The following SIGLEC1 variants were observed in gnomAD, a reference collection of about 807,000 sequenced individuals.
SIGLEC1 encodes sialoadhesin.
SIGLEC1 carries 132 observed loss-of-function variants against 148.0 expected under a neutral mutation model. The ratio of observed to expected loss-of-function variants is 0.89; its 90% CI spans 0.77 to 1.03. SIGLEC1 has a LOEUF of 1.03. SIGLEC1 is among the 50% of genes least tolerant of loss of function. SIGLEC1 has a pLI of 0.00. For synonymous variants in SIGLEC1, 945 were observed against 969.0 expected (o/e 0.98, Z 0.46); for missense variants, 2,253 against 2,271.4 (o/e 0.99, Z 0.16).
chr20:3,699,594 G>A, intron 7 of SIGLEC1, 135 bp from the exon 8 acceptor site: 1 of 1,178,790 alleles, frequency 8.5e-7, no homozygotes, highest in Admixed American at 2.7e-5. Flanking sequence ...CATCAGGAGG[G>A]TTTGCCCTTT....
At chr20:3,703,482 G>A (rs761851529) in intron 5 of SIGLEC1, 31 bp from the exon 6 acceptor site, 24 of 1,540,148 alleles carry the variant, frequency 1.6e-5, no homozygotes, top group Admixed American at 2.0e-5. Context: ...GTGCTGGGGG[G>A]TCCCAGCCAA....
intron 16 of SIGLEC1, 148 bp downstream of exon 16, chr20:3,692,373 A>G (rs1434176334): frequency 1.7e-6 from 2 of 1,158,024 alleles, no homozygotes; most frequent in Admixed American, 5.7e-5. Flanking sequence ...GGCTTATAGG[A>G]CTGTCTCTTT....
rs2088713321 is a variant in SIGLEC1 at position 3,687,778 on chromosome 20, T to G, written c.*782A>C. The G allele has an allele frequency of 6.6e-6, 1 of 152,218 alleles. No homozygotes were observed. The highest frequency in any genetic ancestry group is 1.5e-5 in the Non-Finnish European group (1 of 68,070). The allele number at this position is 152,218 out of a possible 1,614,324, so 9.4% of individuals were successfully genotyped here. Reference sequence around the variant, plus strand: ...AGTTGGGAGTCCTTTGGAAGTCCAATTCCAAATGTCCTCTGGACTCAAAAT... The same window carrying G: ...AGTTGGGAGTCCTTTGGAAGTCCAAGTCCAAATGTCCTCTGGACTCAAAAT... On this transcript the variant is annotated 3_prime_UTR_variant, in exon 22 of 22. Transcript: ENST00000344754.
In SIGLEC1 at chr20:3,707,142, G is replaced by A; in HGVS notation, c.-14C>T. On this transcript the variant is annotated 5_prime_UTR_variant, in exon 2 of 22. Coordinates refer to ENST00000344754, the MANE Select transcript of SIGLEC1 (RefSeq NM_023068.4). ...CAAGAAGCCCATAGCAGGTTCTTGTGCTGCTCCTGTTGCCTAAGAGGGTGG... is the reference window on the plus strand; with the variant it reads ...CAAGAAGCCCATAGCAGGTTCTTGTACTGCTCCTGTTGCCTAAGAGGGTGG... 1 of 1,613,722 alleles carries A rather than the reference G, an allele frequency of 6.2e-7. No homozygotes were observed. Among genetic ancestry groups the A allele is most frequent in the Non-Finnish European group, 8.5e-7 (1 of 1,179,714 alleles).
At chr20:3,700,353 G>A (rs1422933770) in intron 7 of SIGLEC1, among the ~76,000 whole-genome samples, 2 of 151,796 alleles carry the variant, frequency 1.3e-5, no homozygotes, top group Non-Finnish European at 2.9e-5. Flanking sequence ...CCTGACCTCA[G>A]GTGATCTGCC....
In SIGLEC1 at chr20:3,694,966, C is replaced by A. The variant is rs377485030; in HGVS notation, c.2684-43G>T. Reference sequence around the variant, plus strand: ...GAGCAGGTGAGGGCTCTCCACCACACCTCTCACAGTCTGGGACCATGTGCG... The same window carrying A: ...GAGCAGGTGAGGGCTCTCCACCACAACTCTCACAGTCTGGGACCATGTGCG... On this transcript the variant is annotated intron_variant, in intron 11 of 21. Transcript: ENST00000344754. 28 of 1,581,852 alleles carry A rather than the reference C, an allele frequency of 1.8e-5. No individual in the cohort carries two copies. In the Admixed American group the frequency reaches 2.8e-4, roughly 16 times the overall value.
chr20:3,688,971 T>C, intron 21 of SIGLEC1, 184 bp downstream of exon 21: 1 of 630,582 alleles, frequency 1.6e-6, no homozygotes. Flanking sequence ...GACACAGGGA[T>C]TCCCTCTGCC....
intron 18 of SIGLEC1, among the ~76,000 whole-genome samples, chr20:3,690,529 C>T (rs1445536135): frequency 6.6e-6 from 1 of 152,264 alleles, no homozygotes; most frequent in East Asian, 1.9e-4. Flanking sequence ...CTGCTGGGCA[C>T]ATGTGGCCCA....
At chr20:3,695,242 T>C (rs2088810994) in intron 11 of SIGLEC1, among the ~76,000 whole-genome samples, 1 of 152,218 alleles carries the variant, frequency 6.6e-6, no homozygotes, top group Non-Finnish European at 1.5e-5. Context: ...TTCCAGGCAC[T>C]GTGCCTGCAT....
intron 7 of SIGLEC1, among the ~76,000 whole-genome samples, chr20:3,700,542 C>G (rs1176892915): frequency 6.6e-6 from 1 of 151,856 alleles, no homozygotes; most frequent in African/African-American, 2.4e-5. Flanking sequence ...CATGAACATA[C>G]CATTGCACTC....
Position 3,691,465 on chromosome 20 carries a change from T to A in SIGLEC1, c.4466A>T (p.His1489Leu). The A allele has an allele frequency of 6.2e-7, 1 of 1,613,180 alleles. No homozygotes were observed. The highest frequency in any genetic ancestry group is 1.1e-5 in the South Asian group (1 of 91,092). Reference protein sequence around the residue: ...FAWFWNDRRLHAEPVPTLAFT... With the variant: ...FAWFWNDRRLLAEPVPTLAFT... ...GGCGAGAGTGGGCACAGGCTCCGCG[T>A]GCAGCCGCCGGTCATTCCAGAACCA... The change falls in exon 18 of 22, where the codon CAC becomes CTC. Residue 1489 changes from histidine to leucine, a missense_variant. Transcript: ENST00000344754.
chr20:3,711,800 C>T (rs1375592013), intron 1 of SIGLEC1, among the ~76,000 whole-genome samples: 1 of 152,220 alleles, frequency 6.6e-6, no homozygotes, highest in East Asian at 1.9e-4. Context: ...AGTGCTCACT[C>T]TCCAAACTGT....
Position 3,687,085 on chromosome 20 carries a change from C to G in SIGLEC1, c.*1475G>C, listed in dbSNP as rs1386850637. On this transcript the variant is annotated 3_prime_UTR_variant, in exon 22 of 22. Coordinates refer to ENST00000344754, the MANE Select transcript of SIGLEC1 (RefSeq NM_023068.4). ...GGAATGAGGGAGGGTGCGGCCTCGG[C>G]TACACAAAGTTCACCCGCCCCCAAC... 1 of 131,868 alleles carries G rather than the reference C, an allele frequency of 7.6e-6. No homozygotes were observed. The highest frequency in any genetic ancestry group is 1.6e-5 in the Non-Finnish European group (1 of 62,032). 8.2% of individuals were successfully genotyped at this position (131,868 alleles called of 1,614,324 possible).
At chr20:3,711,255 A>G (rs2087927159) in intron 1 of SIGLEC1, among the ~76,000 whole-genome samples, 2 of 152,200 alleles carry the variant, frequency 1.3e-5, no homozygotes, top group Non-Finnish European at 2.9e-5. Context: ...TGCTCTGAAG[A>G]CAGGATTTTA....
At position 3,687,265 on chromosome 20, in the gene SIGLEC1, C is replaced by G. The variant is rs746726329; in HGVS notation, c.*1295G>C. On this transcript the variant is annotated 3_prime_UTR_variant, in exon 22 of 22. Transcript: ENST00000344754. ...CACTCAAGAGCTCTCTCCTGTTGGTCCCTGATTCGCAGGGGCACGTCATTC... is the reference window on the plus strand; with the variant it reads ...CACTCAAGAGCTCTCTCCTGTTGGTGCCTGATTCGCAGGGGCACGTCATTC... The G allele has an allele frequency of 3.3e-5, 5 of 152,290 alleles. No individual in the cohort carries two copies. Among genetic ancestry groups the G allele is most frequent in the Admixed American group, 6.5e-5 (1 of 15,288 alleles). The allele number at this position is 152,290 out of a possible 1,614,324, so 9.4% of individuals were successfully genotyped here.
At chr20:3,693,153 C>T (rs1490082731) in intron 14 of SIGLEC1, 22 bp from the exon 15 acceptor site, 5 of 1,518,250 alleles carry the variant, frequency 3.3e-6, no homozygotes, top group Admixed American at 2.1e-5. Context: ...GAGAGGCTTA[C>T]ACGGAGTCAC....
rs2087887467 is a variant in SIGLEC1, at chr20:3,705,761, A to T, written c.689T>A (p.Ile230Asn). 1 of 1,609,418 alleles carries T rather than the reference A, an allele frequency of 6.2e-7. No individual in the cohort carries two copies. Among genetic ancestry groups the T allele is most frequent in the South Asian group, 1.1e-5 (1 of 90,830 alleles). Reference protein sequence around the residue: ...SVANHRAQSEIHLQVKYAPKG... With the variant: ...SVANHRAQSENHLQVKYAPKG... ...CAACTCACACTTCACTTGGAGGTGA[A>T]TCTCGCTCTGAGCCCTGTGATTGGC... Residue 230 changes from isoleucine (I) to asparagine (N), a missense_variant, in exon 4 of 22, where the codon ATT (isoleucine) becomes AAT (asparagine). Coordinates refer to ENST00000344754, the MANE Select transcript of SIGLEC1 (RefSeq NM_023068.4).
At chr20:3,695,176 C>T (rs1242823568) in intron 11 of SIGLEC1, among the ~76,000 whole-genome samples, 1 of 152,200 alleles carries the variant, frequency 6.6e-6, no homozygotes, top group African/African-American at 2.4e-5. Context: ...AGTCATATCT[C>T]GCCTACCAAA....
Position 3,706,476 on chromosome 20 carries a change from C to T in SIGLEC1, c.280G>A (p.Glu94Lys), listed in dbSNP as rs536605447. 8.1e-6 allele frequency: 13 copies of T among 1,613,950 alleles called. No individual in the cohort carries two copies. Among genetic ancestry groups the T allele is most frequent in the East Asian group, 4.5e-5 (2 of 44,882 alleles). ...RGRTEFMGNP[E>K]HRVCNLLLKD... ...AGCAGCAGGTTGCACACCCTGTGCT[C>T]GGGGTTCCCCATGAACTCGGTGCGG... Residue 94 changes from glutamate (E) to lysine (K), a missense_variant, in exon 3 of 22, where the codon GAG becomes AAG. By Grantham distance (56) the Glu-to-Lys change is moderately conservative. Coordinates refer to ENST00000344754, the MANE Select transcript of SIGLEC1 (RefSeq NM_023068.4).
Sources: allele counts gnomAD v4.1 joint callset (sites outside exome capture counted in the v4.1 genomes callset), GRCh38; gene constraint gnomAD v4.1.1; transcripts MANE v1.5; gene names NCBI Gene and HGNC (gene_info 2026-07-23, HGNC 2026-07-21).